The following KCNN3 variants were observed in gnomAD, a reference collection of about 807,000 sequenced individuals.
KCNN3 encodes the protein small conductance calcium-activated potassium channel protein 3.
In KCNN3, 16 loss-of-function variants were observed where a neutral mutation model predicts 62.9. The ratio of observed to expected loss-of-function variants is 0.25; its 90% CI spans 0.17 to 0.39. KCNN3 has a LOEUF of 0.39. Among genes scored for constraint, KCNN3 ranks in the 10% least tolerant of loss-of-function variants. The pLI, the probability that KCNN3 is intolerant of heterozygous loss-of-function variation, is 1.00. For synonymous variants in KCNN3, 370 were observed against 389.2 expected (o/e 0.95, Z 0.58); for missense variants, 599 against 949.4 (o/e 0.63, Z 4.85).
intron 1 of KCNN3, among the ~76,000 whole-genome samples, chr1:154,849,530 A>C (rs1652224220): frequency 6.6e-6 from 1 of 152,206 alleles, no homozygotes; most frequent in Non-Finnish European, 1.5e-5. Flanking sequence ...TGCCCCACTC[A>C]AGACAAGATT....
At chr1:154,806,254 C>G (rs1017436362) in intron 2 of KCNN3, among the ~76,000 whole-genome samples, 19 of 152,180 alleles carry the variant, frequency 1.2e-4, no homozygotes, top group African/African-American at 4.3e-4. Context: ...TGTTGGGTAC[C>G]CCACCTGCTG....
chr1:154,846,659 C>T (rs1330406819), intron 1 of KCNN3, among the ~76,000 whole-genome samples: 2 of 152,146 alleles, frequency 1.3e-5, no homozygotes, highest in Non-Finnish European at 2.9e-5. Flanking sequence ...CAGCCAGTTT[C>T]CATGGGGCTG....
chr1:154,753,747 T>C (rs1647501505), intron 3 of KCNN3, among the ~76,000 whole-genome samples: 1 of 152,222 alleles, frequency 6.6e-6, no homozygotes. Flanking sequence ...GTGTTTTATG[T>C]TTCCCCCAGC....
At chr1:154,798,273 T>C (rs535664169) in intron 2 of KCNN3, among the ~76,000 whole-genome samples, 55 of 152,228 alleles carry the variant, frequency 3.6e-4, no homozygotes, top group Non-Finnish European at 6.8e-4. Flanking sequence ...TAGGTGGGCA[T>C]TGACCTGTAC....
chr1:154,714,375 A>T (rs1398565797), intron 6 of KCNN3, among the ~76,000 whole-genome samples: 14 of 49,824 alleles, frequency 2.8e-4, no homozygotes, highest in South Asian at 6.3e-4. Context: ...GGTTTGTGTG[A>T]GGTGTGTGTG....
chr1:154,727,855 A>G (rs1700503562), intron 4 of KCNN3, among the ~76,000 whole-genome samples: 1 of 152,238 alleles, frequency 6.6e-6, no homozygotes, highest in Non-Finnish European at 1.5e-5. Context: ...CGGACGGAGT[A>G]TCATCCCTCT....
Position 154,809,702 on chromosome 1 carries a change from G to T in KCNN3, c.1029+12387C>A, listed in dbSNP as rs140789777. Among the ~76,000 whole-genome samples, 13 of 152,326 alleles carry T rather than the reference G, an allele frequency of 8.5e-5. No individual in the cohort carries two copies. Among genetic ancestry groups the T allele is most frequent in the Non-Finnish European group, 1.0e-4 (7 of 68,036 alleles). The stretch of plus-strand genomic sequence containing the variant: ...ACTAGAATGAAGGGCTGAAACAGCT[G>T]CAGGGAAACGTAACAGAAGAAAATG... On this transcript the variant is annotated intron_variant, in intron 2 of 7. Coordinates refer to ENST00000271915, the MANE Select transcript of KCNN3 (RefSeq NM_002249.6). The surrounding 1 kb of genome is among the most constrained non-coding windows in gnomAD (Gnocchi z 4.3).
chr1:154,859,450 C>T (rs1652666604), intron 1 of KCNN3, among the ~76,000 whole-genome samples: 1 of 152,210 alleles, frequency 6.6e-6, no homozygotes, highest in South Asian at 2.1e-4. Flanking sequence ...TAGTGGATGT[C>T]AGTCTCCCCA....
chr1:154,824,419 T>G (rs1984285), intron 1 of KCNN3, among the ~76,000 whole-genome samples: 31,712 of 152,118 alleles, frequency 0.21, 3,817 homozygotes, highest in East Asian at 0.34. Context: ...ATTTTGATCT[T>G]CACAAGCACT....
chr1:154,867,816 T>C (rs1653011946), intron 1 of KCNN3: 2 of 259,028 alleles, frequency 7.7e-6, no homozygotes, highest in Non-Finnish European at 1.2e-5. Flanking sequence ...ATTACGCACA[T>C]ACACACACAC....
rs370126799 is a variant in KCNN3, at chr1:154,830,875, C to G, written c.934-8691G>C. On this transcript the variant is annotated intron_variant, in intron 1 of 7. Transcript: ENST00000271915. ...CAGAAAAAGGTCATTTAGGAGACCACGCTCCCAAAATATCAAGTCAGACGG... is the reference window on the plus strand; with the variant it reads ...CAGAAAAAGGTCATTTAGGAGACCAGGCTCCCAAAATATCAAGTCAGACGG... Among the ~76,000 whole-genome samples the G allele has an allele frequency of 2.6e-5, 4 of 152,156 alleles. No homozygotes were observed. The East Asian group carries it at 7.7e-4, about 29-fold the overall frequency.
chr1:154,795,693 C>T (rs561981595), intron 2 of KCNN3, among the ~76,000 whole-genome samples: 1 of 152,230 alleles, frequency 6.6e-6, no homozygotes, highest in African/African-American at 2.4e-5. Context: ...CGTGGGGGCA[C>T]TGAAAGTTGG....
chr1:154,863,230 G>A (rs929980127), intron 1 of KCNN3, among the ~76,000 whole-genome samples: 5 of 152,056 alleles, frequency 3.3e-5, no homozygotes, highest in South Asian at 2.1e-4. Flanking sequence ...TGACAGGGTC[G>A]GGGGAGGGGG....
At chr1:154,848,385 C>T (rs546907265) in intron 1 of KCNN3, among the ~76,000 whole-genome samples, 2 of 152,260 alleles carry the variant, frequency 1.3e-5, no homozygotes, top group South Asian at 2.1e-4. Flanking sequence ...AGCCTTCATT[C>T]CTCCTTTTCA....
chr1:154,776,781 C>T (rs1557970635), intron 2 of KCNN3, among the ~76,000 whole-genome samples: 3 of 152,196 alleles, frequency 2.0e-5, no homozygotes, highest in Non-Finnish European at 2.9e-5. Context: ...CTACTTGCGT[C>T]GCACATTAGA....
At chr1:154,724,859 C>CTT (rs11362418) in intron 5 of KCNN3, among the ~76,000 whole-genome samples, 6 of 138,432 alleles carry the variant, frequency 4.3e-5, no homozygotes, top group Non-Finnish European at 6.4e-5. Flanking sequence ...TAGAATGATT[C>CTT]TTTTTTTTTT....
chr1:154,744,163 G>A (rs1251263866), intron 3 of KCNN3, among the ~76,000 whole-genome samples: 1 of 152,080 alleles, frequency 6.6e-6, no homozygotes, highest in Admixed American at 6.6e-5. Context: ...GGTTCATGGA[G>A]GAAAGGACTT....
rs5777929 is a variant in KCNN3, at chr1:154,741,710, T to TAA, written c.1449-8568_1449-8567dup. Among the ~76,000 whole-genome samples, 995 of 145,548 alleles carry TAA rather than the reference T, an allele frequency of 6.8e-3. 5 individuals are homozygous for TAA. The highest frequency in any genetic ancestry group is 0.011 in the Middle Eastern group (3 of 282). On this transcript the variant is annotated intron_variant, in intron 3 of 7. Coordinates refer to ENST00000271915, the MANE Select transcript of KCNN3 (RefSeq NM_002249.6). ...TGAATACTTTTTAAAACTAGTTTTG[T>TAA]AAAAAAAAAAAAAAAAGGATTCTTT...
At position 154,814,649 on chromosome 1, in the gene KCNN3, G is replaced by A. The variant is rs146525235; in HGVS notation, c.1029+7440C>T. Among the ~76,000 whole-genome samples the A allele has an allele frequency of 1.8e-3, 270 of 152,282 alleles. 1 individual carries two copies. The highest frequency in any genetic ancestry group is 3.1e-3 in the Non-Finnish European group (209 of 68,012). On this transcript the variant is annotated intron_variant, in intron 2 of 7. Coordinates refer to ENST00000271915, the MANE Select transcript of KCNN3 (RefSeq NM_002249.6). The stretch of plus-strand genomic sequence containing the variant: ...GAAAACCCTCTAAAAAATACAAAGC[G>A]CTAGACAAGATGTGGCCACACCATC...
Sources: gnomAD v4.1 joint callset for allele counts (sites outside exome capture counted in the v4.1 genomes callset) on GRCh38, gnomAD v4.1.1 for gene constraint, Gnocchi (gnomAD v3.1) non-coding constraint, MANE v1.5 for transcripts, NCBI Gene and HGNC (gene_info 2026-07-23, HGNC 2026-07-21) for gene names.